SOX5: variants seen among roughly 807,000 people sequenced by gnomAD.
The protein encoded by SOX5 is SRY-box transcription factor 5, also known as transcription factor SOX-5.
In SOX5, 9 loss-of-function variants were observed where a neutral mutation model predicts 92.0. The ratio of observed to expected loss-of-function variants is 0.10; its 90% confidence interval spans 0.06 to 0.17. SOX5 has a LOEUF of 0.17. Ranked by LOEUF, SOX5 falls within the 10% of genes least tolerant of loss-of-function variation. SOX5 has a pLI of 1.00. For missense variants in SOX5, 642 were observed against 944.5 expected, an observed-to-expected ratio of 0.68 and a Z score of 4.20; for synonymous variants, 344 against 336.3, an observed-to-expected ratio of 1.02 and a Z score of -0.25.
intron 3 of SOX5, among the ~76,000 whole-genome samples, chr12:23,779,814 T>TATATATACACACAC (rs777013504): frequency 3.7e-4 from 41 of 110,790 alleles, no homozygotes; most frequent in Non-Finnish European, 3.6e-4. Context: ...TATATATATA[T>TATATATACACACAC]ACACACACAC....
chr12:24,349,518 C>T (rs750520217), intron 2 of SOX5, among the ~76,000 whole-genome samples: 6 of 152,198 alleles, frequency 3.9e-5, no homozygotes, highest in Non-Finnish European at 7.4e-5. Flanking sequence ...AAATGGAATA[C>T]TCTCAAAGAC....
chr12:23,808,952 ATCC>A (rs1230863503), intron 3 of SOX5, among the ~76,000 whole-genome samples: 2 of 152,166 alleles, frequency 1.3e-5, no homozygotes, highest in Non-Finnish European at 2.9e-5. Context: ...TTAAATTATA[ATCC>A]TCAGACACAA....
intron 4 of SOX5, among the ~76,000 whole-genome samples, chr12:24,209,052 G>A (rs1388977419): frequency 1.3e-5 from 2 of 152,164 alleles, no homozygotes; most frequent in Non-Finnish European, 2.9e-5. Context: ...GGGAGTGGTA[G>A]CTAAAGGAAA....
intron 9 of SOX5, among the ~76,000 whole-genome samples, chr12:23,583,461 G>A (rs767998906): frequency 6.6e-6 from 1 of 152,084 alleles, no homozygotes; most frequent in Non-Finnish European, 1.5e-5. Flanking sequence ...AATAATGTGT[G>A]ATGAGAACAG....
At chr12:24,097,029 C>T (rs751803542) in intron 4 of SOX5, among the ~76,000 whole-genome samples, 4 of 152,140 alleles carry the variant, frequency 2.6e-5, no homozygotes, top group Non-Finnish European at 4.4e-5. Flanking sequence ...CACATCCTTA[C>T]CAATGCTAGT....
Position 23,886,758 on chromosome 12 carries a change from A to G in SOX5, c.270+9035T>C, listed in dbSNP as rs141549190. 2.0e-3 allele frequency among the ~76,000 whole-genome samples: 308 copies of G among 152,312 alleles called. 1 individual carries two copies. The highest frequency in any genetic ancestry group is 0.01 in the Middle Eastern group (3 of 294). On this transcript the variant is annotated intron_variant, in intron 2 of 14. Transcript: ENST00000451604. ...AAAAGAAATAAATTTGAAGACAAAA[A>G]GATTTTAGTTAAATCAAAAACTGAC...
At chr12:24,327,625 C>T (rs1950862325) in intron 2 of SOX5, among the ~76,000 whole-genome samples, 1 of 151,570 alleles carries the variant, frequency 6.6e-6, no homozygotes, top group South Asian at 2.1e-4. Context: ...GCTCTGTCCC[C>T]CAGGCTGGAG....
At chr12:24,376,384 G>C (rs1957262510) in intron 1 of SOX5, among the ~76,000 whole-genome samples, 2 of 152,126 alleles carry the variant, frequency 1.3e-5, no homozygotes, top group Admixed American at 1.3e-4. Context: ...AGAGCTGGTT[G>C]ACACAACCTC....
At chr12:23,963,269 G>A (rs952719453) in intron 4 of SOX5, among the ~76,000 whole-genome samples, 1 of 152,108 alleles carries the variant, frequency 6.6e-6, no homozygotes, top group African/African-American at 2.4e-5. Flanking sequence ...CAAAACACAG[G>A]AGAATATAGG....
chr12:23,771,990 C>T (rs1052626493), intron 3 of SOX5, among the ~76,000 whole-genome samples: 3 of 152,142 alleles, frequency 2.0e-5, no homozygotes, highest in African/African-American at 7.2e-5. Context: ...GTGCCTTCTT[C>T]CTCTGCCAAA....
intron 2 of SOX5, among the ~76,000 whole-genome samples, chr12:24,357,092 C>G (rs1595888736): frequency 6.6e-6 from 1 of 152,150 alleles, no homozygotes; most frequent in Non-Finnish European, 1.5e-5. Context: ...GAATGTCTTA[C>G]AAATAATAAT....
chr12:23,985,976 C>T (rs1195561004), intron 4 of SOX5, among the ~76,000 whole-genome samples: 1 of 152,122 alleles, frequency 6.6e-6, no homozygotes, highest in Non-Finnish European at 1.5e-5. Context: ...GATAACAACT[C>T]TCTGCCTTCT....
chr12:23,804,913 TTTTATA>T (rs1344180952), intron 3 of SOX5, among the ~76,000 whole-genome samples: 19 of 109,332 alleles, frequency 1.7e-4, no homozygotes, highest in East Asian at 5.1e-4. Context: ...CCTATCATTG[TTTTATA>T]TATATATATA....
chr12:24,037,307 T>C (rs192529603), intron 4 of SOX5, among the ~76,000 whole-genome samples: 1 of 152,290 alleles, frequency 6.6e-6, no homozygotes, highest in East Asian at 1.9e-4. Context: ...GGTTGATATG[T>C]AGACAGACAT....
chr12:24,504,476 G>A (rs1342949268), intron 1 of SOX5, among the ~76,000 whole-genome samples: 3 of 152,084 alleles, frequency 2.0e-5, no homozygotes, highest in African/African-American at 4.8e-5. Flanking sequence ...AACAAAATAC[G>A]CAAATCTACT....
intron 6 of SOX5, among the ~76,000 whole-genome samples, chr12:23,680,938 T>G (rs2086527931): frequency 6.6e-6 from 1 of 152,070 alleles, no homozygotes; most frequent in Non-Finnish European, 1.5e-5. Context: ...ACAAATTCTT[T>G]CACTAAAGAA....
At chr12:24,266,000 C>G (rs1023392998) in intron 3 of SOX5, among the ~76,000 whole-genome samples, 21 of 150,638 alleles carry the variant, frequency 1.4e-4, no homozygotes, top group African/African-American at 5.1e-4. Flanking sequence ...TCCTGAGGAG[C>G]TGGGACTACA....
At chr12:24,477,644 T>G (rs1476728743) in intron 1 of SOX5, among the ~76,000 whole-genome samples, 1 of 152,142 alleles carries the variant, frequency 6.6e-6, no homozygotes, top group Non-Finnish European at 1.5e-5. Flanking sequence ...GAAACTACTT[T>G]TAAGGAAAGA....
rs113658349 is a variant in SOX5 at position 24,440,526 on chromosome 12, C to A, written c.-250-71887G>T. 4.0e-3 allele frequency among the ~76,000 whole-genome samples: 602 copies of A among 152,054 alleles called. 4 individuals carry two copies. Among genetic ancestry groups the A allele is most frequent in the Middle Eastern group, 0.017 (5 of 294 alleles). The stretch of plus-strand genomic sequence containing the variant: ...TAGGTCGGGTACCAGACTCTGCAAC[C>A]CCTAGGAGCCAGGCTACCTGTACCA... On this transcript the variant is annotated intron_variant, in intron 1 of 4. Coordinates refer to the SOX5 transcript ENST00000446891.
Sources: allele counts gnomAD v4.1 joint callset (sites outside exome capture counted in the v4.1 genomes callset), GRCh38; gene constraint gnomAD v4.1.1; transcripts MANE v1.5; gene names NCBI Gene and HGNC (gene_info 2026-07-23, HGNC 2026-07-21).